The following DYNC2H1 variants were observed in gnomAD, a reference collection of about 807,000 sequenced individuals.
DYNC2H1 encodes the protein cytoplasmic dynein 2 heavy chain 1.
In DYNC2H1, 410 loss-of-function variants were observed where a neutral mutation model predicts 570.0. The observed-to-expected ratio is 0.72, with a 90% CI of 0.66 to 0.78. DYNC2H1 has a LOEUF of 0.78. DYNC2H1 is among the 30% of genes least tolerant of loss of function. The pLI is 0.00. For missense variants in DYNC2H1, 4,865 were observed against 5,046.4 expected (o/e 0.96, Z 1.09); for synonymous variants, 1,688 against 1,677.6 (o/e 1.01, Z -0.15).
At chr11:103,152,110 T>A (rs2435929) in intron 20 of DYNC2H1, 26 bp from the exon 21 acceptor site, 1 of 1,390,362 alleles carries the variant, frequency 7.2e-7, no homozygotes, top group Non-Finnish European at 9.5e-7. Flanking sequence ...TGTTATTCAA[T>A]TTGTTTTTTT....
intron 76 of DYNC2H1, 142 bp downstream of exon 76, chr11:103,303,395 G>T: frequency 1.2e-6 from 1 of 837,734 alleles, no homozygotes; most frequent in Non-Finnish European, 1.7e-6. Flanking sequence ...CAGAACTGTG[G>T]ATATGTTATT....
Position 103,280,827 on chromosome 11 carries a change from C to G in DYNC2H1, c.10761+414C>G, listed in dbSNP as rs1199643379. On this transcript the variant is annotated intron_variant, in intron 71 of 88. Coordinates refer to ENST00000375735, the MANE Select transcript of DYNC2H1 (RefSeq NM_001377.3). The surrounding 1 kb of genome is among the most constrained non-coding windows in gnomAD (Gnocchi z 4.7). ...AGGTGAGGCATGAAGATGGGCAGTT[C>G]TCAGAAGTTTTCCTGAACCTACAGG... 6.6e-6 allele frequency among the ~76,000 whole-genome samples: 1 copy of G among 152,062 alleles called. No homozygotes were observed. Among genetic ancestry groups the G allele is most frequent in the Admixed American group, 6.6e-5 (1 of 15,250 alleles).
In DYNC2H1 at chr11:103,203,406, G is replaced by A. The variant is rs1862795207; in HGVS notation, c.8198-257G>A. On this transcript the variant is annotated intron_variant, in intron 50 of 88. Transcript: ENST00000375735. This position sits in a 1 kb window ranked among gnomAD's most constrained non-coding sequence, Gnocchi z 4.7. ...CAAGTTTATTGAGGCTAGAGTACAA[G>A]GTCTTATGGAGGAAGATGGAAAAAT... is the stretch of plus-strand genomic sequence containing the variant. 6.6e-6 allele frequency among the ~76,000 whole-genome samples: 1 copy of A among 152,036 alleles called. No individual in the cohort carries two copies. The highest frequency in any genetic ancestry group is 1.5e-5 in the Non-Finnish European group (1 of 67,998).
chr11:103,217,552 A>G (rs1315548933), intron 55 of DYNC2H1, among the ~76,000 whole-genome samples: 1 of 152,158 alleles, frequency 6.6e-6, no homozygotes, highest in African/African-American at 2.4e-5. Context: ...AAAGCCCAGA[A>G]CCTTTACCTT....
intron 88 of DYNC2H1, among the ~76,000 whole-genome samples, chr11:103,477,804 C>A (rs1013232572): frequency 8.3e-6 from 1 of 119,762 alleles, no homozygotes; most frequent in Non-Finnish European, 1.6e-5. Flanking sequence ...GCACTCCAGC[C>A]GGGGCGACAG....
chr11:103,392,577 C>G (rs1459721194), intron 83 of DYNC2H1, among the ~76,000 whole-genome samples: 1 of 152,218 alleles, frequency 6.6e-6, no homozygotes, highest in African/African-American at 2.4e-5. Context: ...CTGCGTCGCT[C>G]ACGCTGGGAG....
At chr11:103,114,971 C>A (rs1260155947) in intron 3 of DYNC2H1, among the ~76,000 whole-genome samples, 2 of 151,984 alleles carry the variant, frequency 1.3e-5, no homozygotes, top group African/African-American at 2.4e-5. Flanking sequence ...GCACACAGAT[C>A]TAAAAAATGT....
rs889377589 is a variant in DYNC2H1 at position 103,302,955 on chromosome 11, A to C, written c.11096-138A>C. 8.7e-6 allele frequency: 5 copies of C among 575,024 alleles called. No individual in the cohort carries two copies. In the South Asian group the frequency reaches 3.8e-4, roughly 44 times the overall value. 35.6% of individuals were successfully genotyped at this position (575,024 alleles called of 1,614,324 possible). A position where few individuals can be genotyped will look rare whatever the true frequency, so the allele number is the denominator to read the frequency against. On this transcript the variant is annotated intron_variant, in intron 75 of 88. Coordinates refer to ENST00000375735, the MANE Select transcript of DYNC2H1 (RefSeq NM_001377.3). ...TTGGCTATTACTAGTATATTATTTT[A>C]GAGTAGAAAAACTTTAATGTATTAT...
intron 73 of DYNC2H1, among the ~76,000 whole-genome samples, chr11:103,285,654 A>G (rs1866323672): frequency 6.6e-6 from 1 of 151,674 alleles, no homozygotes; most frequent in African/African-American, 2.4e-5. Flanking sequence ...CAAACTCCTG[A>G]CCTCAGGTGA....
At chr11:103,445,613 G>A (rs2062959914) in intron 85 of DYNC2H1, among the ~76,000 whole-genome samples, 1 of 152,244 alleles carries the variant, frequency 6.6e-6, no homozygotes, top group African/African-American at 2.4e-5. Flanking sequence ...ATTTGGCTAT[G>A]GGGCATGGGA....
chr11:103,463,893 G>A (rs1023126710), intron 87 of DYNC2H1, among the ~76,000 whole-genome samples: 2 of 152,140 alleles, frequency 1.3e-5, no homozygotes, highest in African/African-American at 4.8e-5. Context: ...ACCTATCCAC[G>A]AGATCTGCAG....
At chr11:103,350,625 T>A (rs962287650) in intron 82 of DYNC2H1, among the ~76,000 whole-genome samples, 8 of 152,138 alleles carry the variant, frequency 5.3e-5, no homozygotes, top group African/African-American at 1.9e-4. Flanking sequence ...CAACAGAAAT[T>A]TATTTTCTCA....
intron 59 of DYNC2H1, 63 bp downstream of exon 59, chr11:103,223,149 A>T (rs1401409315): frequency 7.2e-7 from 1 of 1,387,268 alleles, no homozygotes; most frequent in African/African-American, 1.5e-5. Context: ...ATGAGGTTTT[A>T]ATAATTATTA....
intron 87 of DYNC2H1, among the ~76,000 whole-genome samples, chr11:103,462,479 T>TATTTCATCTAATAGATCATTGCTTGG (rs1945051331): frequency 6.6e-6 from 1 of 152,198 alleles, no homozygotes; most frequent in South Asian, 2.1e-4. Flanking sequence ...TTCTCATCAG[T>TATTTCATCTAATAGATCATTGCTTGG]ATTTCATCTA....
chr11:103,259,281 C>T (rs1865177505), intron 69 of DYNC2H1, among the ~76,000 whole-genome samples: 2 of 152,138 alleles, frequency 1.3e-5, no homozygotes, highest in Non-Finnish European at 2.9e-5. Flanking sequence ...ACCCTTCCTC[C>T]ATTTCTATGC....
At chr11:103,457,913 C>T (rs1369998904) in intron 87 of DYNC2H1, among the ~76,000 whole-genome samples, 1 of 152,032 alleles carries the variant, frequency 6.6e-6, no homozygotes, top group African/African-American at 2.4e-5. Context: ...TTATAAATAA[C>T]ACTTAGCTTA....
chr11:103,210,090 T>G (rs1188655115), intron 53 of DYNC2H1, 130 bp downstream of exon 53: 2 of 1,117,640 alleles, frequency 1.8e-6, no homozygotes, highest in Non-Finnish European at 2.3e-6. Context: ...AAATTAGATT[T>G]CTTCTGATGC....
At chr11:103,191,669 T>C (rs1196493486) in intron 46 of DYNC2H1, 50 bp downstream of exon 46, 2 of 1,080,944 alleles carry the variant, frequency 1.9e-6, no homozygotes, top group Non-Finnish European at 2.6e-6. Context: ...TGTGCACATT[T>C]ATTCTCTAGA....
At chr11:103,290,177 A>G (rs1032612445) in intron 75 of DYNC2H1, among the ~76,000 whole-genome samples, 4 of 152,108 alleles carry the variant, frequency 2.6e-5, no homozygotes, top group Non-Finnish European at 4.4e-5. Flanking sequence ...AGACTTCAAC[A>G]TATCTTTTTT....
Sources: allele counts gnomAD v4.1 joint callset (sites outside exome capture counted in the v4.1 genomes callset), GRCh38; gene constraint gnomAD v4.1.1; non-coding constraint Gnocchi (gnomAD v3.1); transcripts MANE v1.5; gene names NCBI Gene and HGNC (gene_info 2026-07-23, HGNC 2026-07-21).